The following TTC17 variants were observed in gnomAD, a reference collection of about 807,000 sequenced individuals.
The protein encoded by TTC17 is tetratricopeptide repeat domain 17.
In TTC17, 58 loss-of-function variants were observed where a neutral mutation model predicts 143.8. That is an observed-to-expected ratio of 0.40 (90% CI 0.33 to 0.50). The LOEUF is 0.50. Ranked by LOEUF, TTC17 falls within the 20% of genes least tolerant of loss-of-function variation. The pLI, the probability that TTC17 is intolerant of heterozygous loss-of-function variation, is 0.49. For missense variants in TTC17, 1,273 were observed against 1,392.5 expected, an observed-to-expected ratio of 0.91 and a Z score of 1.37; for synonymous variants, 501 against 497.8, an observed-to-expected ratio of 1.01 and a Z score of -0.09.
At chr11:43,487,649 G>A (rs909270521) in intron 21 of TTC17, among the ~76,000 whole-genome samples, 1 of 152,208 alleles carries the variant, frequency 6.6e-6, no homozygotes, top group Non-Finnish European at 1.5e-5. Context: ...AGCTCTGAAA[G>A]CACCAGACAG....
chr11:43,452,670 C>T (rs1047559599), intron 21 of TTC17, among the ~76,000 whole-genome samples: 1 of 152,114 alleles, frequency 6.6e-6, no homozygotes, highest in Non-Finnish European at 1.5e-5. Flanking sequence ...GGCACAGTGG[C>T]TCATGCCTGT....
chr11:43,397,227 C>A, intron 6 of TTC17, 120 bp from the exon 7 acceptor site: 1 of 1,155,264 alleles, frequency 8.7e-7, no homozygotes, highest in Non-Finnish European at 1.2e-6. Context: ...AAATGAAACA[C>A]TATGATTATC....
chr11:43,436,283 G>T, intron 16 of TTC17: 1 of 1,365,120 alleles, frequency 7.3e-7, no homozygotes, highest in Non-Finnish European at 9.4e-7. Context: ...GGAGGACCCT[G>T]TATTCTCTGT....
At chr11:43,365,762 C>T (rs765107711) in intron 1 of TTC17, among the ~76,000 whole-genome samples, 2 of 152,112 alleles carry the variant, frequency 1.3e-5, no homozygotes, top group African/African-American at 2.4e-5. Flanking sequence ...GGTGGTAAAG[C>T]GAAGGATTCT....
intron 15 of TTC17, among the ~76,000 whole-genome samples, chr11:43,410,163 A>G (rs1261004470): frequency 6.6e-6 from 1 of 152,094 alleles, no homozygotes; most frequent in Non-Finnish European, 1.5e-5. Context: ...TTGTAATTGT[A>G]TTTTTAAAGT....
At chr11:43,399,693 T>A (rs924484376) in intron 8 of TTC17, among the ~76,000 whole-genome samples, 195 bp from the exon 9 acceptor site, 4 of 152,170 alleles carry the variant, frequency 2.6e-5, no homozygotes, top group African/African-American at 9.7e-5. Flanking sequence ...TTAAAAAAGT[T>A]GTATTTAAAG....
chr11:43,424,657 C>T (rs1946984117), intron 16 of TTC17, among the ~76,000 whole-genome samples: 2 of 151,986 alleles, frequency 1.3e-5, no homozygotes, highest in African/African-American at 4.8e-5. Flanking sequence ...GTAATCCCAG[C>T]TACTGGGAAG....
chr11:43,383,555 G>A lies in TTC17; in HGVS notation c.249+4233G>A, dbSNP rs1020912380. Among the ~76,000 whole-genome samples the A allele has an allele frequency of 4.0e-5, 6 of 151,360 alleles. No homozygotes were observed. The South Asian group carries it at 1.0e-3, about 26-fold the overall frequency. On this transcript the variant is annotated intron_variant, in intron 2 of 23. Transcript: ENST00000039989. Reference sequence around the variant, plus strand: ...TTTTTTGTATTTTTAGTAGAGACAGGGTTTCACCATGTTGACCAGGCTGGC... The same window carrying A: ...TTTTTTGTATTTTTAGTAGAGACAGAGTTTCACCATGTTGACCAGGCTGGC...
At chr11:43,389,884 T>C in intron 3 of TTC17, 63 bp downstream of exon 3, 4 of 1,434,608 alleles carry the variant, frequency 2.8e-6, no homozygotes, top group Non-Finnish European at 3.8e-6. Context: ...CTCAAATTAG[T>C]AAGAAATTAT....
intron 21 of TTC17, chr11:43,466,637 T>C (rs552588671): frequency 2.7e-5 from 9 of 329,530 alleles, no homozygotes; most frequent in African/African-American, 2.0e-4. Context: ...AATTTGATGA[T>C]AAGAACTTTA....
intron 21 of TTC17, among the ~76,000 whole-genome samples, chr11:43,484,074 G>A (rs1021991991): frequency 3.3e-5 from 5 of 152,104 alleles, no homozygotes; most frequent in Admixed American, 6.5e-5. Flanking sequence ...CCCAGGAGGC[G>A]GAGGTTGCAG....
chr11:43,487,132 C>G (rs987912194), intron 21 of TTC17, among the ~76,000 whole-genome samples: 2 of 151,890 alleles, frequency 1.3e-5, no homozygotes, highest in African/African-American at 2.4e-5. Flanking sequence ...AAAGAAATAA[C>G]TTTTTTGTTT....
chr11:43,415,281 C>T lies in TTC17; in HGVS notation c.2251+505C>T, dbSNP rs1270060401. Among the ~76,000 whole-genome samples the T allele has an allele frequency of 2.6e-5, 4 of 152,252 alleles. No homozygotes were observed. In the East Asian group the frequency reaches 7.7e-4, roughly 29 times the overall value. On this transcript the variant is annotated intron_variant, in intron 16 of 23. Coordinates refer to ENST00000039989, the MANE Select transcript of TTC17 (RefSeq NM_018259.6). Reference sequence around the variant, plus strand: ...TTTTCTCTTCTTCCACTCCCTCCCACAGCATATATATGGGCATATATGCCT... The same window carrying T: ...TTTTCTCTTCTTCCACTCCCTCCCATAGCATATATATGGGCATATATGCCT...
intron 21 of TTC17, among the ~76,000 whole-genome samples, chr11:43,457,495 G>A (rs1466533826): frequency 1.3e-5 from 2 of 152,004 alleles, no homozygotes; most frequent in African/African-American, 4.8e-5. Flanking sequence ...GACAATAGGA[G>A]TAGATTTACA....
chr11:43,447,857 C>T, intron 18 of TTC17, 145 bp from the exon 19 acceptor site: 4 of 956,404 alleles, frequency 4.2e-6, no homozygotes, highest in Non-Finnish European at 6.1e-6. Context: ...TTAATTAGAT[C>T]ATAGATGGGG....
At chr11:43,404,607 G>T (rs568955816) in intron 11 of TTC17, among the ~76,000 whole-genome samples, 2 of 152,264 alleles carry the variant, frequency 1.3e-5, no homozygotes, top group South Asian at 4.1e-4. Context: ...TGCCTGTCTA[G>T]ACTAGCTAAG....
rs1353019454 is a variant in TTC17, at chr11:43,494,641, A to G, written c.*737A>G. On this transcript the variant is annotated 3_prime_UTR_variant, in exon 24 of 24. Coordinates refer to ENST00000039989, the MANE Select transcript of TTC17 (RefSeq NM_018259.6). ...AAGGAAACCAATAAGTTGAAATCCT[A>G]TATAACAGGTTTATATATATAGAAT... 3.3e-5 allele frequency: 5 copies of G among 152,200 alleles called. No homozygotes were observed. Among genetic ancestry groups the G allele is most frequent in the African/African-American group, 7.2e-5 (3 of 41,442 alleles). 9.4% of individuals were successfully genotyped at this position (152,200 alleles called of 1,614,324 possible). A position where few individuals can be genotyped will look rare whatever the true frequency, so the allele number is the denominator to read the frequency against.
intron 1 of TTC17, among the ~76,000 whole-genome samples, chr11:43,375,219 G>C (rs1419075397): frequency 6.6e-6 from 1 of 152,146 alleles, no homozygotes; most frequent in Non-Finnish European, 1.5e-5. Flanking sequence ...AGTACCAGCT[G>C]ACCTTACTGG....
chr11:43,422,849 A>G (rs1946939127), intron 16 of TTC17, among the ~76,000 whole-genome samples: 1 of 152,186 alleles, frequency 6.6e-6, no homozygotes, highest in African/African-American at 2.4e-5. Flanking sequence ...AGTGAAGAGC[A>G]GGAAAATGGG....
Sources: gnomAD v4.1 joint callset for allele counts (sites outside exome capture counted in the v4.1 genomes callset) on GRCh38, gnomAD v4.1.1 for gene constraint, MANE v1.5 for transcripts, NCBI Gene and HGNC (gene_info 2026-07-23, HGNC 2026-07-21) for gene names.